Variants in NELL1 observed in about 807,000 individuals in gnomAD.
The protein encoded by NELL1 is protein kinase C-binding protein NELL1.
A neutral mutation model predicts 107.4 loss-of-function variants in NELL1; 76 were observed. The ratio of observed to expected loss-of-function variants is 0.71; its 90% CI spans 0.59 to 0.86. The LOEUF is 0.86. NELL1 is among the 40% of genes least tolerant of loss of function. The probability of loss-of-function intolerance (pLI) is 0.00; values close to 1 mark genes in which losing one functional copy is unlikely to be tolerated. For missense variants in NELL1, 1,024 were observed against 1,005.5 expected, an observed-to-expected ratio of 1.02 and a Z score of -0.25; for synonymous variants, 353 against 341.2, an observed-to-expected ratio of 1.03 and a Z score of -0.38.
At chr11:20,723,453 T>C (rs1176849566) in intron 2 of NELL1, among the ~76,000 whole-genome samples, 4 of 152,112 alleles carry the variant, frequency 2.6e-5, no homozygotes, top group African/African-American at 4.8e-5. Flanking sequence ...TAAAGGGCCC[T>C]CAGTAAATCT....
At chr11:20,927,776 A>C (rs2134172507) in intron 8 of NELL1, among the ~76,000 whole-genome samples, 1 of 152,358 alleles carries the variant, frequency 6.6e-6, no homozygotes, top group African/African-American at 2.4e-5. Flanking sequence ...ATTCACAACC[A>C]GAATAACTTT....
intron 14 of NELL1, among the ~76,000 whole-genome samples, chr11:21,357,060 G>A (rs1850950163): frequency 6.6e-6 from 1 of 152,148 alleles, no homozygotes; most frequent in Non-Finnish European, 1.5e-5. Flanking sequence ...TGGTTGATGG[G>A]CATTTAGGCT....
At chr11:21,157,803 A>G (rs1856275943) in intron 13 of NELL1, among the ~76,000 whole-genome samples, 1 of 152,190 alleles carries the variant, frequency 6.6e-6, no homozygotes, top group African/African-American at 2.4e-5. Context: ...TATCTGTAAA[A>G]TGAGTATAAC....
intron 15 of NELL1, among the ~76,000 whole-genome samples, chr11:21,459,366 A>AAAAAAAAG (rs1006839239): frequency 4.6e-5 from 7 of 151,710 alleles, no homozygotes; most frequent in Non-Finnish European, 8.8e-5. Flanking sequence ...GCAAAAAAAA[A>AAAAAAAAG]AAAAGTAGGA....
chr11:20,892,229 T>A (rs180873151), intron 5 of NELL1, among the ~76,000 whole-genome samples: 2 of 152,278 alleles, frequency 1.3e-5, no homozygotes, highest in Non-Finnish European at 2.9e-5. Flanking sequence ...AACCGCACAA[T>A]TTCATGAAAT....
chr11:20,955,893 T>C (rs904598397), intron 11 of NELL1, among the ~76,000 whole-genome samples: 2 of 152,134 alleles, frequency 1.3e-5, no homozygotes, highest in Non-Finnish European at 2.9e-5. Flanking sequence ...AGTGGAGTGA[T>C]TTCCATATTT....
intron 14 of NELL1, among the ~76,000 whole-genome samples, chr11:21,236,286 C>T (rs750967580): frequency 6.6e-6 from 1 of 152,102 alleles, no homozygotes; most frequent in Non-Finnish European, 1.5e-5. Flanking sequence ...TATATTTCAG[C>T]CTTTACCACA....
At chr11:21,422,397 A>G (rs1322377419) in intron 15 of NELL1, among the ~76,000 whole-genome samples, 2 of 152,176 alleles carry the variant, frequency 1.3e-5, no homozygotes, top group Non-Finnish European at 2.9e-5. Flanking sequence ...AATACATAAA[A>G]GAAAAACTAT....
chr11:21,491,914 T>G (rs141530111), intron 15 of NELL1, among the ~76,000 whole-genome samples: 1 of 151,982 alleles, frequency 6.6e-6, no homozygotes, highest in Admixed American at 6.6e-5. Context: ...GGTCCTTCAC[T>G]TCCCTTGTAA....
intron 15 of NELL1, among the ~76,000 whole-genome samples, chr11:21,398,183 G>C (rs1019698667): frequency 6.6e-6 from 1 of 151,288 alleles, no homozygotes; most frequent in African/African-American, 2.4e-5. Flanking sequence ...GGACTTTTTG[G>C]CTTACTCACC....
chr11:21,378,396 G>T (rs1851530993), intron 15 of NELL1, among the ~76,000 whole-genome samples: 1 of 151,556 alleles, frequency 6.6e-6, no homozygotes, highest in Non-Finnish European at 1.5e-5. Context: ...AGTACTTAGG[G>T]TTTACTGTGA....
intron 15 of NELL1, among the ~76,000 whole-genome samples, chr11:21,464,752 A>G (rs1414109536): frequency 1.3e-5 from 2 of 152,104 alleles, no homozygotes; most frequent in Non-Finnish European, 2.9e-5. Flanking sequence ...TAAGTTCTTC[A>G]TAGACTTGCA....
At chr11:20,734,016 T>A (rs1274606265) in intron 2 of NELL1, among the ~76,000 whole-genome samples, 2 of 152,120 alleles carry the variant, frequency 1.3e-5, no homozygotes, top group Non-Finnish European at 2.9e-5. Context: ...GATGAAATGC[T>A]TAGAAAAGTC....
At position 21,088,636 on chromosome 11, in the gene NELL1, A is replaced by G. The variant is rs16907454; in HGVS notation, c.1301-24953A>G. ...TAATCTTATGCTGCCTATACAGGTCAAGTGACTTTTTTTTAGCTGCGAAGT... is the reference window on the plus strand; with the variant it reads ...TAATCTTATGCTGCCTATACAGGTCGAGTGACTTTTTTTTAGCTGCGAAGT... On this transcript the variant is annotated intron_variant, in intron 12 of 19. Transcript: ENST00000357134. Among the ~76,000 whole-genome samples, 1,471 of 152,302 alleles carry G rather than the reference A, an allele frequency of 9.7e-3. 19 individuals are homozygous for G. Among genetic ancestry groups the G allele is most frequent in the African/African-American group, 0.032 (1,320 of 41,554 alleles).
chr11:20,877,204 A>G (rs16906971), intron 4 of NELL1, among the ~76,000 whole-genome samples: 7,265 of 152,286 alleles, frequency 0.048, 515 homozygotes, highest in African/African-American at 0.16. Context: ...GAGGCTCTGT[A>G]TAACTAAGGA....
chr11:20,746,470 C>T (rs1225546002), intron 2 of NELL1, among the ~76,000 whole-genome samples: 1 of 152,020 alleles, frequency 6.6e-6, no homozygotes, highest in Non-Finnish European at 1.5e-5. Flanking sequence ...TATTGTCCTC[C>T]CTTCACATAT....
chr11:20,901,868 C>G (rs1286966627), intron 5 of NELL1, among the ~76,000 whole-genome samples: 2 of 151,962 alleles, frequency 1.3e-5, no homozygotes, highest in Non-Finnish European at 2.9e-5. Flanking sequence ...ATGGATTCAT[C>G]AATACATGGT....
At chr11:21,223,352 A>T (rs1857810182) in intron 13 of NELL1, among the ~76,000 whole-genome samples, 5 of 151,896 alleles carry the variant, frequency 3.3e-5, no homozygotes, top group Admixed American at 3.3e-4. Context: ...TTTTTACTTA[A>T]TATCTATTTC....
chr11:21,296,382 C>T (rs1035248044), intron 14 of NELL1, among the ~76,000 whole-genome samples: 7 of 151,774 alleles, frequency 4.6e-5, no homozygotes, highest in African/African-American at 1.4e-4. Flanking sequence ...TATTGAATGT[C>T]ATTGTTTAAT....
Sources: gnomAD v4.1 joint callset for allele counts (sites outside exome capture counted in the v4.1 genomes callset) on GRCh38, gnomAD v4.1.1 for gene constraint, MANE v1.5 for transcripts, NCBI Gene and HGNC (gene_info 2026-07-23, HGNC 2026-07-21) for gene names.